Variants in ROBO1 observed in about 807,000 individuals in gnomAD.
The protein encoded by ROBO1 is roundabout guidance receptor 1, also known as roundabout homolog 1.
Under a neutral mutation model 195.9 loss-of-function variants are expected in ROBO1, and 149 were observed. The ratio of observed to expected loss-of-function variants is 0.76; its 90% CI spans 0.67 to 0.87. ROBO1 has a LOEUF of 0.87. Among genes scored for constraint, ROBO1 ranks in the 40% least tolerant of loss-of-function variants. The pLI, the probability that ROBO1 is intolerant of heterozygous loss-of-function variation, is 0.00. For missense variants in ROBO1, 1,933 were observed against 2,068.3 expected (o/e 0.93, Z 1.27); for synonymous variants, 816 against 733.2 (o/e 1.11, Z -1.82).
intron 2 of ROBO1, among the ~76,000 whole-genome samples, chr3:79,571,933 T>C (rs1216927825): frequency 6.6e-6 from 1 of 151,778 alleles, no homozygotes; most frequent in African/African-American, 2.4e-5. Context: ...AATTGCTCAA[T>C]ACAAGTTTGC....
chr3:79,728,628 A>T (rs1703024323), intron 1 of ROBO1, among the ~76,000 whole-genome samples: 1 of 152,168 alleles, frequency 6.6e-6, no homozygotes, highest in Non-Finnish European at 1.5e-5. Context: ...ACATGACTAC[A>T]ATTTTTTTGG....
intron 2 of ROBO1, among the ~76,000 whole-genome samples, chr3:79,434,587 A>G (rs2038811021): frequency 6.6e-6 from 1 of 151,794 alleles, no homozygotes; most frequent in South Asian, 2.1e-4. Context: ...GGATGTGGAG[A>G]AATAGGAACA....
intron 3 of ROBO1, among the ~76,000 whole-genome samples, chr3:79,055,467 C>T (rs766628899): frequency 3.3e-5 from 5 of 152,088 alleles, no homozygotes; most frequent in African/African-American, 1.2e-4. Context: ...ATCCTGCTAA[C>T]ATGGGACTAG....
In ROBO1 at chr3:79,617,608, C is replaced by T. The variant is rs969141672; in HGVS notation, c.-50-27647G>A. 7.2e-5 allele frequency among the ~76,000 whole-genome samples: 11 copies of T among 152,016 alleles called. No homozygotes were observed. The East Asian group carries it at 1.7e-3, about 24-fold the overall frequency. ...AATTCAAACATAAGAAGAGACAGCT[C>T]CTCCAGATGAGAAGGAATCAGAGTA... On this transcript the variant is annotated intron_variant, in intron 1 of 30. Transcript: ENST00000464233.
At chr3:78,694,872 TA>T (rs2081250918) in intron 8 of ROBO1, among the ~76,000 whole-genome samples, 2 of 152,118 alleles carry the variant, frequency 1.3e-5, no homozygotes, top group Non-Finnish European at 2.9e-5. Context: ...CTGAAGCAGT[TA>T]AAATAAACCC....
At chr3:78,660,548 T>C (rs1575863329) in intron 16 of ROBO1, 1 of 152,854 alleles carries the variant, frequency 6.5e-6, no homozygotes, top group Non-Finnish European at 1.5e-5. Flanking sequence ...TATTGTTTAA[T>C]TTCTAGGAAT....
intron 2 of ROBO1, among the ~76,000 whole-genome samples, chr3:79,413,773 T>C (rs540489935): frequency 6.6e-6 from 1 of 152,256 alleles, no homozygotes; most frequent in African/African-American, 2.4e-5. Flanking sequence ...CAAAGATCCA[T>C]AAAGGGAACT....
At chr3:79,378,345 C>T (rs1429838635) in intron 2 of ROBO1, among the ~76,000 whole-genome samples, 1 of 152,080 alleles carries the variant, frequency 6.6e-6, no homozygotes, top group African/African-American at 2.4e-5. Flanking sequence ...CCCTGTCCCC[C>T]ATGCTGTGGT....
chr3:79,475,468 T>C (rs1938503624), intron 2 of ROBO1, among the ~76,000 whole-genome samples: 1 of 152,008 alleles, frequency 6.6e-6, no homozygotes, highest in South Asian at 2.1e-4. Context: ...TACAACTCAA[T>C]AAAGTCTGAA....
intron 4 of ROBO1, among the ~76,000 whole-genome samples, chr3:78,754,189 T>A (rs1189178436): frequency 6.6e-6 from 1 of 152,216 alleles, no homozygotes; most frequent in Non-Finnish European, 1.5e-5. Flanking sequence ...TATGGTGCAT[T>A]ACATCTGCAA....
At chr3:78,602,861 A>C (rs1226965485) in intron 29 of ROBO1, among the ~76,000 whole-genome samples, 5 of 152,142 alleles carry the variant, frequency 3.3e-5, no homozygotes, top group Admixed American at 3.3e-4. Flanking sequence ...ACATTCTCTA[A>C]GACAGTGAAT....
intron 28 of ROBO1, among the ~76,000 whole-genome samples, chr3:78,611,225 A>G (rs899519506): frequency 2.6e-5 from 4 of 152,236 alleles, no homozygotes; most frequent in African/African-American, 4.8e-5. Flanking sequence ...CAGACCTTGT[A>G]ATTAATGATA....
At chr3:79,075,453 T>G (rs2079156397) in intron 3 of ROBO1, among the ~76,000 whole-genome samples, 1 of 151,952 alleles carries the variant, frequency 6.6e-6, no homozygotes, top group Non-Finnish European at 1.5e-5. Flanking sequence ...AAATATGTAT[T>G]TTCTATCTAT....
intron 3 of ROBO1, among the ~76,000 whole-genome samples, chr3:79,039,538 CTGTAAT>C: frequency 6.6e-6 from 1 of 152,228 alleles, no homozygotes; most frequent in East Asian, 1.9e-4. Context: ...TGGCTCACGC[CTGTAAT>C]CCTAACACTT....
chr3:79,375,892 T>C (rs2036366309), intron 2 of ROBO1, among the ~76,000 whole-genome samples: 1 of 152,146 alleles, frequency 6.6e-6, no homozygotes. Context: ...TTTTATCATT[T>C]CCTAGTTGTG....
chr3:79,625,373 C>A (rs1945133701), intron 1 of ROBO1, among the ~76,000 whole-genome samples: 1 of 87,872 alleles, frequency 1.1e-5, no homozygotes, highest in Admixed American at 1.7e-4. Context: ...AAGAGATAGA[C>A]ACACGAAAAT....
At chr3:78,652,875 G>T (rs1369989903) in intron 18 of ROBO1, among the ~76,000 whole-genome samples, 2 of 151,944 alleles carry the variant, frequency 1.3e-5, no homozygotes, top group African/African-American at 4.8e-5. Flanking sequence ...GGCCTGCAAA[G>T]TTGCTGTAGA....
chr3:78,987,291 A>G (rs1469537116), intron 3 of ROBO1, among the ~76,000 whole-genome samples: 1 of 152,154 alleles, frequency 6.6e-6, no homozygotes, highest in Non-Finnish European at 1.5e-5. Context: ...TACAAAATTA[A>G]GAAACTATAC....
chr3:79,399,120 T>TGG (rs1412449782), intron 2 of ROBO1, among the ~76,000 whole-genome samples: 1 of 152,106 alleles, frequency 6.6e-6, no homozygotes, highest in Non-Finnish European at 1.5e-5. Context: ...CCTTGGTCCC[T>TGG]TACTATGTAT....
Sources: allele counts gnomAD v4.1 joint callset (sites outside exome capture counted in the v4.1 genomes callset), GRCh38; gene constraint gnomAD v4.1.1; transcripts MANE v1.5; gene names NCBI Gene and HGNC (gene_info 2026-07-23, HGNC 2026-07-21).